TGIF1: variants seen among roughly 807,000 people sequenced by gnomAD.
The protein encoded by TGIF1 is TGFB induced factor homeobox 1.
Under a neutral mutation model 19.3 loss-of-function variants are expected in TGIF1, and 4 were observed. The observed-to-expected ratio is 0.21, with a 90% CI of 0.10 to 0.47. The LOEUF is 0.47. Ranked by LOEUF, TGIF1 falls within the 20% of genes least tolerant of loss-of-function variation. TGIF1 has a pLI of 0.98. For synonymous variants in TGIF1, 122 were observed against 129.3 expected, an observed-to-expected ratio of 0.94 and a Z score of 0.38; for missense variants, 275 against 341.4, an observed-to-expected ratio of 0.81 and a Z score of 1.53.
Position 3,452,000 on chromosome 18 carries a change from G to A in TGIF1, c.16+1495G>A. The stretch of plus-strand genomic sequence containing the variant: ...CGAGGATGGTTCTAGCGCAGAGCCG[G>A]GTGTCTGCCGGGGTGGGCTCCCCGC... On this transcript the variant is annotated intron_variant, in intron 1 of 2. Coordinates refer to ENST00000343820, the MANE Select transcript of TGIF1 (RefSeq NM_003244.4). This position sits in a 1 kb window ranked among gnomAD's most constrained non-coding sequence, Gnocchi z 5.4. 2 of 1,603,098 alleles carry A rather than the reference G, an allele frequency of 1.2e-6. No individual in the cohort carries two copies. The highest frequency in any genetic ancestry group is 1.7e-6 in the Non-Finnish European group (2 of 1,174,006).
chr18:3,416,816 A>C (rs1021327481), intron 1 of TGIF1, among the ~76,000 whole-genome samples: 1 of 150,876 alleles, frequency 6.6e-6, no homozygotes, highest in African/African-American at 2.4e-5. Context: ...CCTGTAATCC[A>C]ACTACTCAGG....
At chr18:3,415,198 G>A (rs533372476) in intron 1 of TGIF1, 3 of 213,200 alleles carry the variant, frequency 1.4e-5, no homozygotes, top group African/African-American at 6.7e-5. Context: ...TCATCCTGGA[G>A]TGGCTCAAGA....
intron 2 of TGIF1, among the ~76,000 whole-genome samples, chr18:3,434,923 T>C (rs1598873316): frequency 6.6e-6 from 1 of 152,152 alleles, no homozygotes; most frequent in Non-Finnish European, 1.5e-5. Context: ...CCAAGTAAAA[T>C]AGCTGACTTA....
At position 3,429,203 on chromosome 18, in the gene TGIF1, C is replaced by T. The variant is rs950865635; in HGVS notation, c.-45+10988C>T. Among the ~76,000 whole-genome samples the T allele has an allele frequency of 4.6e-5, 7 of 152,162 alleles. No individual in the cohort carries two copies. The East Asian group carries it at 7.7e-4, about 17-fold the overall frequency. ...TCCTGAGTATTTGAGACTACAGGCA[C>T]GTGCCACCAGGCCCAGCTAATTTTG... On this transcript the variant is annotated intron_variant, in intron 2 of 3. Transcript: ENST00000401449.
chr18:3,437,744 A>G (rs139814695), intron 2 of TGIF1, among the ~76,000 whole-genome samples: 1,613 of 152,358 alleles, frequency 0.011, 14 homozygotes, highest in Middle Eastern at 0.034. Flanking sequence ...ACATATGGTT[A>G]TAGAATCACT....
chr18:3,427,477 AGACGG>A (rs71366659), intron 2 of TGIF1, among the ~76,000 whole-genome samples: 14,559 of 151,236 alleles, frequency 0.096, 894 homozygotes, highest in Middle Eastern at 0.13. Flanking sequence ...TTTTTAGTAG[AGACGG>A]GGTTTCCCAG....
intron 2 of TGIF1, among the ~76,000 whole-genome samples, chr18:3,426,267 C>T (rs1159263907): frequency 6.7e-6 from 1 of 149,978 alleles, no homozygotes; most frequent in Non-Finnish European, 1.5e-5. Flanking sequence ...CTCCTGGGCT[C>T]AAGTGATTCT....
At chr18:3,427,265 C>A (rs12457600) in intron 2 of TGIF1, among the ~76,000 whole-genome samples, 14,249 of 150,720 alleles carry the variant, frequency 0.095, 823 homozygotes, top group African/African-American at 0.15. Context: ...TAAACTGATA[C>A]GGAGTGATTT....
chr18:3,440,803 G>A (rs1250213909), intron 2 of TGIF1, among the ~76,000 whole-genome samples: 1 of 152,204 alleles, frequency 6.6e-6, no homozygotes, highest in African/African-American at 2.4e-5. Context: ...GGCTCCCTGA[G>A]TCAGTCTAAG....
intron 1 of TGIF1, chr18:3,453,654 C>T (rs2238535): frequency 0.064 from 21,062 of 329,050 alleles, 787 homozygotes; most frequent in East Asian, 0.15. Flanking sequence ...GCATTGCACT[C>T]CAGCCTGGGT....
rs2082926262 is a variant in TGIF1, at chr18:3,451,497, T to C, written c.16+992T>C. 18 of 989,924 alleles carry C rather than the reference T, an allele frequency of 1.8e-5. No individual in the cohort carries two copies. The highest frequency in any genetic ancestry group is 2.2e-5 in the Non-Finnish European group (18 of 833,204). The allele number at this position is 989,924 out of a possible 1,614,324, so 61.3% of individuals were successfully genotyped here. A position where few individuals can be genotyped will look rare whatever the true frequency, so the allele number is the denominator to read the frequency against. On this transcript the variant is annotated intron_variant, in intron 1 of 2. Coordinates refer to ENST00000343820, the MANE Select transcript of TGIF1 (RefSeq NM_003244.4). The surrounding 1 kb of genome is among the most constrained non-coding windows in gnomAD (Gnocchi z 5.4). ...GGTGGCGTTTCTGTCGTGATTTATG[T>C]GGAGTGGTTCAAAACAGAAGTTAAT...
intron 2 of TGIF1, among the ~76,000 whole-genome samples, chr18:3,421,292 T>C (rs11662372): frequency 0.24 from 11,347 of 46,822 alleles, 5 homozygotes; most frequent in Non-Finnish European, 0.36. Flanking sequence ...AGTTTGCGTC[T>C]TACTATACTA....
In TGIF1 at chr18:3,453,715, G is replaced by A. The variant is rs138733448; in HGVS notation, c.17-2639G>A. The stretch of plus-strand genomic sequence containing the variant: ...AAAAAAAAAAAAAAAAAAAGAACGT[G>A]CAGGAACAAGGTCGCTGCTTAGGGC... On this transcript the variant is annotated intron_variant, in intron 1 of 2. Coordinates refer to ENST00000343820, the MANE Select transcript of TGIF1 (RefSeq NM_003244.4). 170 of 583,432 alleles carry A rather than the reference G, an allele frequency of 2.9e-4. No individual in the cohort carries two copies. In the African/African-American group the frequency reaches 3.3e-3, roughly 11 times the overall value. 36.1% of individuals were successfully genotyped at this position (583,432 alleles called of 1,614,324 possible). A position where few individuals can be genotyped will look rare whatever the true frequency, so the allele number is the denominator to read the frequency against.
chr18:3,450,555 C>T (rs1213005448), intron 1 of TGIF1, 50 bp downstream of exon 1: 1 of 1,552,034 alleles, frequency 6.4e-7, no homozygotes, highest in South Asian at 1.2e-5. Flanking sequence ...TCCGGGGAAA[C>T]GTGCTGGCCG....
chr18:3,450,532 C>T, intron 1 of TGIF1, 27 bp downstream of exon 1: 6 of 1,558,048 alleles, frequency 3.9e-6, no homozygotes, highest in Non-Finnish European at 4.3e-6. Context: ...CTGCGCGCAC[C>T]AGAAGACGCG....
intron 2 of TGIF1, among the ~76,000 whole-genome samples, chr18:3,428,610 G>A (rs1174623415): frequency 2.0e-5 from 3 of 151,986 alleles, no homozygotes; most frequent in Admixed American, 2.0e-4. Context: ...GGTGGCACGC[G>A]CCTGTAGTCC....
At chr18:3,422,500 G>T (rs1015256263) in intron 2 of TGIF1, among the ~76,000 whole-genome samples, 1 of 151,126 alleles carries the variant, frequency 6.6e-6, no homozygotes, top group Non-Finnish European at 1.5e-5. Flanking sequence ...ATTGAAGAAA[G>T]AAATTTTAAA....
chr18:3,445,723 C>CAAAAAAAAAAAAAAAAAAAAAA (rs141550400), upstream of TGIF1, among the ~76,000 whole-genome samples: 1 of 17,696 alleles, frequency 5.7e-5, no homozygotes, highest in Non-Finnish European at 9.3e-5. Flanking sequence ...GACTCTGTCT[C>CAAAAAAAAAAAAAAAAAAAAAA]AAAAAAAAAA....
In TGIF1 at chr18:3,450,287, G is replaced by A; in HGVS notation, c.-203G>A. On this transcript the variant is annotated 5_prime_UTR_variant, in exon 1 of 3. Transcript: ENST00000343820. ...GCCGGCTGCCAGAAGATCCCGGCGG[G>A]AGGAAGCCCAAGTGTCACTTGAATT... 1 of 1,438,400 alleles carries A rather than the reference G, an allele frequency of 7.0e-7. No individual in the cohort carries two copies. The highest frequency in any genetic ancestry group is 1.5e-5 in the South Asian group (1 of 66,792). The allele number at this position is 1,438,400 out of a possible 1,614,324, so 89.1% of individuals were successfully genotyped here.
Sources: allele counts gnomAD v4.1 joint callset (sites outside exome capture counted in the v4.1 genomes callset), GRCh38; gene constraint gnomAD v4.1.1; non-coding constraint Gnocchi (gnomAD v3.1); transcripts MANE v1.5; gene names NCBI Gene and HGNC (gene_info 2026-07-23, HGNC 2026-07-21).